The following DLG2 variants were observed in gnomAD, a reference collection of about 807,000 sequenced individuals.
The protein encoded by DLG2 is discs large MAGUK scaffold protein 2.
In DLG2, 45 loss-of-function variants were observed where a neutral mutation model predicts 132.5. The observed-to-expected ratio is 0.34, with a 90% CI of 0.27 to 0.44. The LOEUF (loss-of-function observed/expected upper bound fraction) is 0.44, where lower values mean the gene tolerates loss of function less well. DLG2 is among the 20% of genes least tolerant of loss of function. The pLI is 1.00. For missense variants in DLG2, 1,045 were observed against 1,196.9 expected, an observed-to-expected ratio of 0.87 and a Z score of 1.87; for synonymous variants, 424 against 419.6, an observed-to-expected ratio of 1.01 and a Z score of -0.13.
chr11:85,137,358 G>C (rs75635173), intron 5 of DLG2, among the ~76,000 whole-genome samples: 3,652 of 152,182 alleles, frequency 0.024, 63 homozygotes, highest in Non-Finnish European at 0.038. Flanking sequence ...CTATTTTATA[G>C]TTAAGGAAAC....
intron 3 of DLG2, among the ~76,000 whole-genome samples, chr11:85,477,082 A>G (rs2093165561): frequency 6.6e-6 from 1 of 152,176 alleles, no homozygotes; most frequent in South Asian, 2.1e-4. Flanking sequence ...ACTAGTTGAT[A>G]GGAAGTTTTC....
At chr11:84,313,036 T>C (rs2098306444) in intron 7 of DLG2, among the ~76,000 whole-genome samples, 1 of 152,070 alleles carries the variant, frequency 6.6e-6, no homozygotes, top group African/African-American at 2.4e-5. Context: ...GGTCTCAATC[T>C]CTTGACCTCC....
intron 6 of DLG2, among the ~76,000 whole-genome samples, chr11:84,592,566 C>T (rs1289295379): frequency 2.6e-5 from 4 of 151,902 alleles, no homozygotes; most frequent in Non-Finnish European, 5.9e-5. Flanking sequence ...GCAATCTATC[C>T]ATCTGACAAA....
chr11:83,564,957 C>A (rs1335206014), intron 19 of DLG2, among the ~76,000 whole-genome samples: 1 of 152,128 alleles, frequency 6.6e-6, no homozygotes, highest in Non-Finnish European at 1.5e-5. Flanking sequence ...TTACCTAATC[C>A]AAACAGTTTA....
chr11:84,095,216 G>A (rs1280930980), intron 10 of DLG2, among the ~76,000 whole-genome samples: 3 of 152,134 alleles, frequency 2.0e-5, no homozygotes, highest in African/African-American at 7.2e-5. Flanking sequence ...ACTGCTTAGA[G>A]ACAGAGAGGG....
intron 13 of DLG2, 104 bp downstream of exon 13, chr11:83,965,220 G>A (rs2089920899): frequency 7.8e-7 from 1 of 1,289,412 alleles, no homozygotes. Flanking sequence ...ATTTCCAGAA[G>A]TTAACCAAGA....
chr11:83,546,657 G>C (rs774624674), intron 19 of DLG2, among the ~76,000 whole-genome samples: 68 of 151,834 alleles, frequency 4.5e-4, no homozygotes, highest in Middle Eastern at 3.4e-3. Flanking sequence ...TTAAAGTATA[G>C]GTAGATGTGT....
intron 6 of DLG2, among the ~76,000 whole-genome samples, chr11:85,084,239 A>C (rs1441050994): frequency 6.6e-6 from 1 of 152,160 alleles, no homozygotes; most frequent in East Asian, 1.9e-4. Flanking sequence ...TTTCTGGAGC[A>C]ATGTTCTTAT....
intron 6 of DLG2, among the ~76,000 whole-genome samples, chr11:84,886,316 T>C (rs779130488): frequency 1.3e-5 from 2 of 152,156 alleles, no homozygotes; most frequent in Non-Finnish European, 2.9e-5. Flanking sequence ...CATATGCTTA[T>C]TGATTATCAT....
chr11:84,156,145 T>C (rs1457038711), intron 9 of DLG2, among the ~76,000 whole-genome samples: 1 of 152,124 alleles, frequency 6.6e-6, no homozygotes, highest in Non-Finnish European at 1.5e-5. Flanking sequence ...AATTCAAAGA[T>C]GCCTAGAGTA....
At chr11:84,944,776 T>G (rs2049980895) in intron 6 of DLG2, among the ~76,000 whole-genome samples, 1 of 152,042 alleles carries the variant, frequency 6.6e-6, no homozygotes, top group Non-Finnish European at 1.5e-5. Flanking sequence ...GGCTAATTTT[T>G]TGTATTTTTG....
intron 3 of DLG2, among the ~76,000 whole-genome samples, chr11:85,568,025 T>C (rs573290027): frequency 5.9e-5 from 9 of 151,600 alleles, no homozygotes; most frequent in Admixed American, 5.9e-4. Flanking sequence ...TTTTTTTTTT[T>C]TTTTTTGAGA....
intron 17 of DLG2, among the ~76,000 whole-genome samples, chr11:83,813,889 C>G (rs774388723): frequency 6.6e-6 from 1 of 152,082 alleles, no homozygotes; most frequent in African/African-American, 2.4e-5. Flanking sequence ...CAGCCCTATA[C>G]GTAGACACAG....
At chr11:85,505,454 C>G (rs2093907965) in intron 3 of DLG2, among the ~76,000 whole-genome samples, 1 of 152,000 alleles carries the variant, frequency 6.6e-6, no homozygotes, top group South Asian at 2.1e-4. Flanking sequence ...TTGTCAAAGG[C>G]TTTTCTGCAT....
intron 3 of DLG2, among the ~76,000 whole-genome samples, chr11:85,400,549 T>C (rs1481619868): frequency 2.0e-5 from 3 of 148,924 alleles, no homozygotes; most frequent in Admixed American, 6.7e-5. Flanking sequence ...CCGACAATGA[T>C]AGACTGGATT....
At chr11:84,377,435 G>A (rs886485067) in intron 7 of DLG2, among the ~76,000 whole-genome samples, 1 of 151,732 alleles carries the variant, frequency 6.6e-6, no homozygotes, top group East Asian at 1.9e-4. Context: ...AAATAATAAG[G>A]GGAATTTGAC....
At chr11:83,517,096 C>T (rs1232093341) in intron 21 of DLG2, among the ~76,000 whole-genome samples, 1 of 152,178 alleles carries the variant, frequency 6.6e-6, no homozygotes, top group East Asian at 1.9e-4. Flanking sequence ...GGAAGTTCTC[C>T]TGGATAATAT....
intron 5 of DLG2, among the ~76,000 whole-genome samples, chr11:85,150,097 G>C (rs971120321): frequency 2.2e-5 from 3 of 134,526 alleles, no homozygotes; most frequent in African/African-American, 8.7e-5. Flanking sequence ...TCAGCTCACT[G>C]CAGGTTCCGC....
intron 6 of DLG2, among the ~76,000 whole-genome samples, chr11:84,939,596 G>A (rs1380185260): frequency 9.9e-5 from 15 of 151,902 alleles, no homozygotes; most frequent in Admixed American, 9.9e-4. Context: ...CCTAGCCACT[G>A]GTAACCATCC....
Sources: allele counts gnomAD v4.1 joint callset (sites outside exome capture counted in the v4.1 genomes callset), GRCh38; gene constraint gnomAD v4.1.1; transcripts MANE v1.5; gene names NCBI Gene and HGNC (gene_info 2026-07-23, HGNC 2026-07-21).